The following CCNB3 variants were observed in gnomAD, a reference collection of about 807,000 sequenced individuals.
CCNB3 encodes cyclin B3, also known as G2/mitotic-specific cyclin-B3.
CCNB3 carries 12 observed loss-of-function variants against 68.0 expected under a neutral mutation model. That is an observed-to-expected ratio of 0.18 (90% confidence interval 0.11 to 0.29). CCNB3 has a LOEUF of 0.29. CCNB3 is among the 10% of genes least tolerant of loss of function. The probability of loss-of-function intolerance (pLI) is 1.00; values close to 1 mark genes in which losing one functional copy is unlikely to be tolerated. For missense variants in CCNB3, 904 were observed against 993.1 expected (o/e 0.91, Z 1.21); for synonymous variants, 354 against 388.9 (o/e 0.91, Z 1.06).
intron 5 of CCNB3, among the ~76,000 whole-genome samples, chrX:50,299,193 C>G (rs1207461885): frequency 2.7e-5 from 3 of 111,178 alleles, no homozygotes; most frequent in Non-Finnish European, 5.7e-5. Flanking sequence ...TGTGTTTGCT[C>G]TTACTTCTCT....
intron 8 of CCNB3, chrX:50,341,622 A>G (rs1923149218): frequency 9.0e-6 from 1 of 110,552 alleles, no homozygotes; most frequent in Non-Finnish European, 1.9e-5. Context: ...GACTAAGAAA[A>G]AAATGAGAGA....
At chrX:50,305,776 C>CTTTTTTTTTTTT (rs146498028) in intron 5 of CCNB3, among the ~76,000 whole-genome samples, 1 of 37,177 alleles carries the variant, frequency 2.7e-5, no homozygotes, top group Non-Finnish European at 5.4e-5. Flanking sequence ...TTCTTTCTTT[C>CTTTTTTTTTTTT]TTTTTTTTTT....
intron 8 of CCNB3, among the ~76,000 whole-genome samples, chrX:50,338,611 C>A (rs928234709): frequency 8.9e-6 from 1 of 112,086 alleles, no homozygotes; most frequent in Non-Finnish European, 1.9e-5. Context: ...TGGAATGCAG[C>A]GCCAGGCTGT....
chrX:50,340,143 G>A (rs1237880349), intron 8 of CCNB3, among the ~76,000 whole-genome samples: 2 of 111,966 alleles, frequency 1.8e-5, no homozygotes, highest in Non-Finnish European at 1.9e-5. Flanking sequence ...ATTCATCCAT[G>A]AAAATACACA....
At chrX:50,227,176 A>T (rs1457254070) in intron 1 of CCNB3, among the ~76,000 whole-genome samples, 1 of 83,391 alleles carries the variant, frequency 1.2e-5, no homozygotes, top group Admixed American at 1.7e-4. Context: ...TATATATAGA[A>T]TATAAGTATA....
rs1339758311 is a variant in CCNB3 at position 50,226,108 on chromosome X, A to G, written c.-113+21158A>G. Reference sequence around the variant, plus strand: ...ATATATGAATATATATAGAATATGTATAAATATATATATATTCGATATATA... The same window carrying G: ...ATATATGAATATATATAGAATATGTGTAAATATATATATATTCGATATATA... On this transcript the variant is annotated intron_variant, in intron 1 of 12. Transcript: ENST00000376042. Among the ~76,000 whole-genome samples, 46 of 81,847 alleles carry G rather than the reference A, an allele frequency of 5.6e-4. 1 individual carries two copies. The highest frequency in any genetic ancestry group is 2.0e-3 in the African/African-American group (43 of 21,889). 71.1% of individuals were successfully genotyped at this position (81,847 alleles called of 115,157 possible). A position where few individuals can be genotyped will look rare whatever the true frequency, so the allele number is the denominator to read the frequency against.
chrX:50,218,158 T>C (rs1935610165), intron 1 of CCNB3, among the ~76,000 whole-genome samples: 2 of 112,171 alleles, frequency 1.8e-5, no homozygotes, highest in African/African-American at 6.5e-5. Context: ...TTAATCTGCA[T>C]TTATTTTTAG....
At chrX:50,325,334 A>G (rs1023131658) in intron 8 of CCNB3, among the ~76,000 whole-genome samples, 1 of 111,846 alleles carries the variant, frequency 8.9e-6, no homozygotes, top group African/African-American at 3.2e-5. Flanking sequence ...ACAGTTTGCA[A>G]ACTAGGAGAT....
Position 50,347,555 on chromosome X carries a change from G to A in CCNB3, c.3811-71G>A, listed in dbSNP as rs1923465963. The A allele has an allele frequency of 1.5e-5, 16 of 1,047,021 alleles. No homozygotes were observed. The South Asian group carries it at 2.8e-4, about 18-fold the overall frequency. The allele number at this position is 1,047,021 out of a possible 1,213,427, so 86.3% of individuals were successfully genotyped here. A position where few individuals can be genotyped will look rare whatever the true frequency, so the allele number is the denominator to read the frequency against. Reference sequence around the variant, plus strand: ...CACTGAGGCTCGGGATGATGTAACTGGAGAGGGAGTCCTCTGCTTGGTGCC... The same window carrying A: ...CACTGAGGCTCGGGATGATGTAACTAGAGAGGGAGTCCTCTGCTTGGTGCC... On this transcript the variant is annotated intron_variant, in intron 10 of 12. Transcript: ENST00000376042.
intron 8 of CCNB3, among the ~76,000 whole-genome samples, chrX:50,336,107 T>C (rs182596672): frequency 1.8e-5 from 2 of 112,049 alleles, no homozygotes; most frequent in Admixed American, 1.9e-4. Flanking sequence ...TTGGGGGCGC[T>C]TGAGCCGGGT....
At position 50,309,708 on chromosome X, in the gene CCNB3, C is replaced by T. The variant is rs1557214305; in HGVS notation, c.1539C>T (p.Thr513=). Residue 513 remains threonine, a synonymous_variant, in exon 6 of 13, where the codon ACC becomes ACT. Transcript: ENST00000376042. ...HLKKPLILQT[T]SGEKSLIKEP... ...AGAAACCACTAATATTACAGACCAC[C>T]TCTGGAGAAAAGTCACTTATTAAGG... 1 of 1,209,338 alleles carries T rather than the reference C, an allele frequency of 8.3e-7. No individual in the cohort carries two copies. The highest frequency in any genetic ancestry group is 2.2e-5 in the Admixed American group (1 of 45,610).
chrX:50,226,879 TATA>T, intron 1 of CCNB3, among the ~76,000 whole-genome samples: 1 of 74,388 alleles, frequency 1.3e-5, no homozygotes, highest in African/African-American at 5.7e-5. Flanking sequence ...ATAGAATATA[TATA>T]GAATATATAG....
intron 8 of CCNB3, among the ~76,000 whole-genome samples, chrX:50,330,646 C>T (rs1238858627): frequency 8.9e-6 from 1 of 112,009 alleles, no homozygotes; most frequent in African/African-American, 3.2e-5. Flanking sequence ...TAAGCAGGTT[C>T]CTATTACTAT....
upstream of CCNB3, chrX:50,204,659 A>T (rs1187700899): frequency 1.2e-5 from 1 of 80,639 alleles, no homozygotes; most frequent in African/African-American, 6.7e-5. Context: ...AAGTCTGACT[A>T]AAAAAAAAAA....
chrX:50,321,108 A>G (rs1459638031), intron 8 of CCNB3, among the ~76,000 whole-genome samples: 1 of 111,949 alleles, frequency 8.9e-6, no homozygotes, highest in Non-Finnish European at 1.9e-5. Context: ...TAGGATTATT[A>G]GATCAAAAGA....
rs150585759 is a variant in CCNB3 at position 50,310,550 on chromosome X, G to A, written c.2381G>A (p.Gly794Glu). 2 of 1,211,608 alleles carry A rather than the reference G, an allele frequency of 1.7e-6. No homozygotes were observed. Among genetic ancestry groups the A allele is most frequent in the South Asian group, 3.5e-5 (2 of 56,876 alleles). ...ALEGYPSIAE[G>E]ETLFKKLLAM... ...GAGGGGTATCCCAGCATTGCGGAGG[G>A]GGAGACCCTCTTCAAGAAGCTTTTG... Residue 794 changes from glycine (G) to glutamate (E), a missense_variant, in exon 6 of 13, where the codon GGG (glycine) becomes GAG (glutamate). By Grantham distance (98) the Gly-to-Glu change is moderately conservative. This residue lies in a region of CCNB3 where 619 missense variants were observed against 609.8 expected (regional missense o/e 1.02). Transcript: ENST00000376042.
At chrX:50,341,961 C>A (rs1923167799) in intron 8 of CCNB3, 1 of 326,668 alleles carries the variant, frequency 3.1e-6, no homozygotes, top group Admixed American at 5.3e-5. Context: ...CAGAGCATTT[C>A]TCTCTGATTT....
At chrX:50,345,141 T>G (rs1220751149) in intron 9 of CCNB3, among the ~76,000 whole-genome samples, 1 of 104,251 alleles carries the variant, frequency 9.6e-6, no homozygotes, top group Non-Finnish European at 2.0e-5. Context: ...CTTCAGTGAT[T>G]GTTTTCCCTC....
intron 1 of CCNB3, among the ~76,000 whole-genome samples, chrX:50,227,732 T>A (rs1935917816): frequency 1.1e-5 from 1 of 88,045 alleles, no homozygotes; most frequent in Non-Finnish European, 2.1e-5. Context: ...AGAGAGATAA[T>A]ATATATAAAT....
Sources: gnomAD v4.1 joint callset for allele counts (sites outside exome capture counted in the v4.1 genomes callset) on GRCh38, gnomAD v4.1.1 for gene constraint, gnomAD v4.1.1 regional missense constraint, MANE v1.5 for transcripts, NCBI Gene and HGNC (gene_info 2026-07-23, HGNC 2026-07-21) for gene names.